The following MACROD1 variants were observed in gnomAD, a reference collection of about 807,000 sequenced individuals.
MACROD1 encodes mono-ADP ribosylhydrolase 1.
In MACROD1, 31 loss-of-function variants were observed where a neutral mutation model predicts 41.4. That is an observed-to-expected ratio of 0.75 (90% CI 0.56 to 1.01). The LOEUF is 1.01. Ranked by LOEUF, MACROD1 falls within the 50% of genes least tolerant of loss-of-function variation. The pLI is 0.00. For missense variants in MACROD1, 473 were observed against 460.0 expected (o/e 1.03, Z -0.26); for synonymous variants, 252 against 203.4 (o/e 1.24, Z -2.03).
At chr11:64,110,460 A>G (rs949407633) in intron 3 of MACROD1, among the ~76,000 whole-genome samples, 10 of 151,966 alleles carry the variant, frequency 6.6e-5, no homozygotes, top group Non-Finnish European at 1.0e-4. Context: ...AAAAAAAAAA[A>G]AAAGAAAGAA....
intron 3 of MACROD1, among the ~76,000 whole-genome samples, chr11:64,150,175 C>T (rs1267656565): frequency 1.3e-5 from 2 of 152,230 alleles, no homozygotes; most frequent in African/African-American, 4.8e-5. Flanking sequence ...GGACCAGGCC[C>T]GGGGCGGCCG....
chr11:64,082,648 C>A lies in MACROD1; in HGVS notation c.518-67367G>T, dbSNP rs981652134. Reference sequence around the variant, plus strand: ...CAGGCACCAGGTGGGAGGGTGGGGACCCCCAGCCTGGAGCCCCAGACCCCT... The same window carrying A: ...CAGGCACCAGGTGGGAGGGTGGGGAACCCCAGCCTGGAGCCCCAGACCCCT... On this transcript the variant is annotated intron_variant, in intron 3 of 10. Coordinates refer to ENST00000255681, the MANE Select transcript of MACROD1 (RefSeq NM_014067.4). This position sits in a 1 kb window ranked among gnomAD's most constrained non-coding sequence, Gnocchi z 4.5. Among the ~76,000 whole-genome samples the A allele has an allele frequency of 4.6e-5, 7 of 152,038 alleles. No individual in the cohort carries two copies. Among genetic ancestry groups the A allele is most frequent in the Non-Finnish European group, 5.9e-5 (4 of 67,976 alleles).
chr11:64,037,260 G>A (rs779021050), intron 3 of MACROD1, among the ~76,000 whole-genome samples: 6 of 152,178 alleles, frequency 3.9e-5, no homozygotes, highest in Non-Finnish European at 8.8e-5. Context: ...TTAGGAAGGA[G>A]GCTGTCTGTG....
At chr11:64,142,573 T>TGCGA (rs757634470) in intron 3 of MACROD1, among the ~76,000 whole-genome samples, 17 of 152,314 alleles carry the variant, frequency 1.1e-4, no homozygotes, top group Middle Eastern at 6.8e-3. Flanking sequence ...GACCAGACCC[T>TGCGA]GCGAGCCCAC....
intron 1 of MACROD1, among the ~76,000 whole-genome samples, chr11:64,157,624 G>A (rs998320285): frequency 9.2e-5 from 14 of 152,198 alleles, no homozygotes; most frequent in Non-Finnish European, 1.5e-4. Context: ...GCTTCCAGCG[G>A]CTCCCAGGCA....
At chr11:64,151,994 T>C (rs961361211) in intron 2 of MACROD1, among the ~76,000 whole-genome samples, 1 of 152,122 alleles carries the variant, frequency 6.6e-6, no homozygotes, top group Non-Finnish European at 1.5e-5. Flanking sequence ...CCAGGCATGG[T>C]GGTGCATGTC....
intron 3 of MACROD1, among the ~76,000 whole-genome samples, chr11:64,018,079 G>A (rs73496099): frequency 0.012 from 1,863 of 152,274 alleles, 39 homozygotes; most frequent in African/African-American, 0.043. Context: ...GGGGGCAGAG[G>A]GAAGACTTTG....
intron 3 of MACROD1, among the ~76,000 whole-genome samples, chr11:64,033,852 T>A (rs1334385293): frequency 6.6e-6 from 1 of 151,768 alleles, no homozygotes; most frequent in Non-Finnish European, 1.5e-5. Flanking sequence ...CCCAAAAAAA[T>A]TATTATTTTT....
intron 3 of MACROD1, among the ~76,000 whole-genome samples, chr11:64,139,223 A>T (rs1945375035): frequency 6.6e-6 from 1 of 152,084 alleles, no homozygotes; most frequent in East Asian, 1.9e-4. Context: ...TCTGCAGCCC[A>T]CATGCTCTCC....
chr11:64,116,981 C>T lies in MACROD1; in HGVS notation c.517+34258G>A, dbSNP rs3751120. ...ACGGTAACCTGCTGGCCAACCAGCG[C>T]ATCGCCGACGACACCTTCAGCCGCC... is the stretch of plus-strand genomic sequence containing the variant. On this transcript the variant is annotated intron_variant, in intron 3 of 10. Coordinates refer to ENST00000255681, the MANE Select transcript of MACROD1 (RefSeq NM_014067.4). 195,529 of 1,611,884 alleles carry T rather than the reference C, an allele frequency of 0.12. 24,325 individuals carry two copies. The highest frequency in any genetic ancestry group is 0.52 in the East Asian group (23,500 of 44,824).
chr11:64,160,751 G>A (rs1043601116), intron 1 of MACROD1, among the ~76,000 whole-genome samples: 4 of 151,650 alleles, frequency 2.6e-5, no homozygotes, highest in Non-Finnish European at 4.4e-5. Context: ...AGAAGTTGGA[G>A]GCTGCAGTGA....
chr11:64,152,533 C>A, intron 1 of MACROD1, 140 bp from the exon 2 acceptor site: 3 of 685,392 alleles, frequency 4.4e-6, no homozygotes, highest in Non-Finnish European at 7.8e-6. Context: ...ACAGGGCAGG[C>A]ATGCTGGGGA....
chr11:64,071,236 G>A (rs983627561), intron 3 of MACROD1, among the ~76,000 whole-genome samples: 1 of 151,946 alleles, frequency 6.6e-6, no homozygotes, highest in African/African-American at 2.4e-5. Flanking sequence ...ACCCTGTCAG[G>A]TACCTCTCTC....
chr11:64,149,854 T>C (rs1159761387), intron 3 of MACROD1, among the ~76,000 whole-genome samples: 3 of 152,210 alleles, frequency 2.0e-5, no homozygotes. Context: ...TAGGCCGCTG[T>C]AATGTCTGCC....
intron 3 of MACROD1, among the ~76,000 whole-genome samples, chr11:64,074,902 TG>T (rs1944175154): frequency 2.6e-5 from 4 of 152,330 alleles, no homozygotes; most frequent in Non-Finnish European, 4.4e-5. Context: ...GGGAGCCTCC[TG>T]CAGGGTCAGG....
intron 3 of MACROD1, among the ~76,000 whole-genome samples, chr11:64,132,977 C>T (rs111823149): frequency 2.2e-4 from 34 of 152,336 alleles, no homozygotes; most frequent in African/African-American, 7.9e-4. Flanking sequence ...CCCCCCACTG[C>T]CCCGAGTCCT....
intron 3 of MACROD1, among the ~76,000 whole-genome samples, chr11:64,024,983 T>A (rs1943205855): frequency 6.6e-6 from 1 of 152,152 alleles, no homozygotes; most frequent in Admixed American, 6.5e-5. Context: ...CTTTAATTTT[T>A]AAATTTTTTT....
At chr11:64,055,296 G>A (rs1043777972) in intron 3 of MACROD1, among the ~76,000 whole-genome samples, 5 of 152,222 alleles carry the variant, frequency 3.3e-5, no homozygotes, top group African/African-American at 1.2e-4. Context: ...CGGGAGACAG[G>A]AACAAATGCC....
intron 3 of MACROD1, among the ~76,000 whole-genome samples, chr11:64,021,842 C>T (rs1423760210): frequency 1.3e-5 from 2 of 150,336 alleles, no homozygotes; most frequent in African/African-American, 4.9e-5. Flanking sequence ...GCTGGGAGAC[C>T]ATCAGGAAAG....
Sources: allele counts gnomAD v4.1 joint callset (sites outside exome capture counted in the v4.1 genomes callset), GRCh38; gene constraint gnomAD v4.1.1; non-coding constraint Gnocchi (gnomAD v3.1); transcripts MANE v1.5; gene names NCBI Gene and HGNC (gene_info 2026-07-23, HGNC 2026-07-21).